KLHL1: variants seen among roughly 807,000 people sequenced by gnomAD.
KLHL1 encodes the protein kelch like family member 1, also known as kelch-like protein 1.
In KLHL1, 47 loss-of-function variants were observed where a neutral mutation model predicts 77.7. The ratio of observed to expected loss-of-function variants is 0.60; its 90% CI spans 0.48 to 0.77. The LOEUF (loss-of-function observed/expected upper bound fraction) is 0.77, where lower values mean the gene tolerates loss of function less well. Ranked by LOEUF, KLHL1 falls within the 30% of genes least tolerant of loss-of-function variation. KLHL1 has a pLI of 0.00. For missense variants in KLHL1, 925 were observed against 910.8 expected (o/e 1.02, Z -0.20); for synonymous variants, 360 against 325.2 (o/e 1.11, Z -1.15).
intron 7 of KLHL1, among the ~76,000 whole-genome samples, chr13:69,756,851 A>T (rs1305542872): frequency 6.6e-6 from 1 of 152,194 alleles, no homozygotes; most frequent in African/African-American, 2.4e-5. Flanking sequence ...TTAGTTAATA[A>T]ACCCCCTTTG....
chr13:70,054,183 A>G (rs932490806), intron 1 of KLHL1, among the ~76,000 whole-genome samples: 1 of 152,166 alleles, frequency 6.6e-6, no homozygotes, highest in Non-Finnish European at 1.5e-5. Context: ...TCTCATTTTC[A>G]TTTAGTGATA....
At chr13:69,704,053 A>G (rs1346028940) in intron 10 of KLHL1, among the ~76,000 whole-genome samples, 1 of 151,702 alleles carries the variant, frequency 6.6e-6, no homozygotes, top group African/African-American at 2.4e-5. Context: ...CCTGATGTCC[A>G]TTCAATACTC....
chr13:70,075,442 TA>T (rs1231587330), intron 1 of KLHL1, among the ~76,000 whole-genome samples: 2 of 150,298 alleles, frequency 1.3e-5, no homozygotes, highest in Admixed American at 6.6e-5. Flanking sequence ...AAAATTTTAT[TA>T]AAAAAAACCT....
intron 1 of KLHL1, among the ~76,000 whole-genome samples, chr13:70,088,141 G>A (rs1280615922): frequency 2.6e-5 from 4 of 152,072 alleles, no homozygotes; most frequent in South Asian, 2.1e-4. Context: ...TGAGCGCCAC[G>A]AACTTTCAGT....
chr13:69,873,382 C>A (rs2138179485), intron 5 of KLHL1, among the ~76,000 whole-genome samples: 1 of 151,902 alleles, frequency 6.6e-6, no homozygotes, highest in East Asian at 1.9e-4. Context: ...CAATTCTATT[C>A]TCTCTCTCTC....
chr13:69,755,481 C>T (rs1316384698), intron 7 of KLHL1, among the ~76,000 whole-genome samples: 1 of 151,940 alleles, frequency 6.6e-6, no homozygotes, highest in Non-Finnish European at 1.5e-5. Flanking sequence ...GAACATTGCA[C>T]AATTTGTAAA....
chr13:69,745,160 G>A (rs1486952164), intron 7 of KLHL1, among the ~76,000 whole-genome samples: 2 of 151,908 alleles, frequency 1.3e-5, no homozygotes, highest in Non-Finnish European at 2.9e-5. Flanking sequence ...TGATGAGTGA[G>A]TAATGGTATC....
intron 1 of KLHL1, among the ~76,000 whole-genome samples, chr13:69,986,387 T>A (rs1884870346): frequency 6.6e-6 from 1 of 152,054 alleles, no homozygotes; most frequent in African/African-American, 2.4e-5. Context: ...ATGTTAATTG[T>A]CCTTATTTTA....
chr13:69,895,944 G>T (rs186589303), intron 4 of KLHL1, among the ~76,000 whole-genome samples: 2 of 152,148 alleles, frequency 1.3e-5, no homozygotes, highest in East Asian at 3.9e-4. Flanking sequence ...GTGACCTCAG[G>T]TGATCCACTC....
intron 1 of KLHL1, among the ~76,000 whole-genome samples, chr13:70,063,366 A>G (rs1249269297): frequency 6.6e-6 from 1 of 152,128 alleles, no homozygotes; most frequent in African/African-American, 2.4e-5. Flanking sequence ...CTTTATAAAA[A>G]CTGCAATTAC....
intron 6 of KLHL1, among the ~76,000 whole-genome samples, chr13:69,837,409 T>G (rs1879043042): frequency 6.6e-6 from 1 of 151,402 alleles, no homozygotes. Context: ...TAACATAATT[T>G]CACACACACA....
intron 1 of KLHL1, among the ~76,000 whole-genome samples, chr13:70,046,870 C>A (rs1381155152): frequency 6.6e-6 from 1 of 152,148 alleles, no homozygotes; most frequent in Non-Finnish European, 1.5e-5. Flanking sequence ...GACCCTCTTC[C>A]TCTCTCCAAA....
At chr13:70,041,932 A>G (rs1349101737) in intron 1 of KLHL1, among the ~76,000 whole-genome samples, 44 of 152,150 alleles carry the variant, frequency 2.9e-4, no homozygotes, top group Non-Finnish European at 2.9e-5. Context: ...AGTGGGCTGC[A>G]GGTTTTTTGT....
chr13:69,722,496 G>A (rs1222860129), intron 8 of KLHL1, among the ~76,000 whole-genome samples: 1 of 151,784 alleles, frequency 6.6e-6, no homozygotes, highest in East Asian at 1.9e-4. Context: ...TATTGAATCA[G>A]TAGTCAAACT....
At chr13:69,839,694 T>C (rs529739896) in intron 5 of KLHL1, among the ~76,000 whole-genome samples, 1 of 152,108 alleles carries the variant, frequency 6.6e-6, no homozygotes, top group East Asian at 1.9e-4. Flanking sequence ...TTAAAAGTTG[T>C]GTATTAGGCA....
chr13:69,902,871 G>T (rs190573865), intron 4 of KLHL1, among the ~76,000 whole-genome samples: 1 of 151,964 alleles, frequency 6.6e-6, no homozygotes, highest in Non-Finnish European at 1.5e-5. Context: ...TAACCTGCAC[G>T]TTGTGCACAT....
chr13:69,783,201 GTAGATAAAATGACAAAGA>G (rs1001612567), intron 7 of KLHL1, among the ~76,000 whole-genome samples: 2 of 152,036 alleles, frequency 1.3e-5, no homozygotes, highest in African/African-American at 4.8e-5. Context: ...AAGATCAAAA[GTAGATAAAATGACAAAGA>G]TGGGGAAAAA....
chr13:69,754,028 AT>A, intron 7 of KLHL1, among the ~76,000 whole-genome samples: 1 of 151,356 alleles, frequency 6.6e-6, no homozygotes, highest in East Asian at 2.0e-4. Context: ...TTTAGTAGAG[AT>A]GGGGGTGTAC....
chr13:69,752,593 G>A (rs1316109221), intron 7 of KLHL1, among the ~76,000 whole-genome samples: 1 of 152,146 alleles, frequency 6.6e-6, no homozygotes, highest in Non-Finnish European at 1.5e-5. Context: ...GTAGCTAAGA[G>A]TTGTTTTCTT....
Sources: gnomAD v4.1 joint callset for allele counts (sites outside exome capture counted in the v4.1 genomes callset) on GRCh38, gnomAD v4.1.1 for gene constraint, MANE v1.5 for transcripts, NCBI Gene and HGNC (gene_info 2026-07-23, HGNC 2026-07-21) for gene names.